CASK: variants seen among roughly 807,000 people sequenced by gnomAD.
CASK encodes the protein peripheral plasma membrane protein CASK.
CASK carries 4 observed loss-of-function variants against 82.9 expected under a neutral mutation model. That is an observed-to-expected ratio of 0.05 (90% CI 0.02 to 0.11). CASK has a LOEUF of 0.11. Among genes scored for constraint, CASK ranks in the 10% least tolerant of loss-of-function variants. The pLI, the probability that CASK is intolerant of heterozygous loss-of-function variation, is 1.00. For synonymous variants in CASK, 259 were observed against 253.5 expected, an observed-to-expected ratio of 1.02 and a Z score of -0.20; for missense variants, 358 against 720.9, an observed-to-expected ratio of 0.50 and a Z score of 5.76.
intron 22 of CASK, among the ~76,000 whole-genome samples, chrX:41,535,926 A>G (rs2064868016): frequency 8.9e-6 from 1 of 111,836 alleles, no homozygotes; most frequent in South Asian, 3.8e-4. Flanking sequence ...AATTCTCACA[A>G]AGGGCTAAAA....
chrX:41,826,702 C>A (rs905415629), intron 2 of CASK, among the ~76,000 whole-genome samples: 2 of 111,720 alleles, frequency 1.8e-5, no homozygotes, highest in East Asian at 5.6e-4. Flanking sequence ...GTCTCGAACT[C>A]CTGACCTCAA....
chrX:41,646,855 C>T (rs185215111), intron 8 of CASK, among the ~76,000 whole-genome samples: 184 of 111,634 alleles, frequency 1.6e-3, no homozygotes, highest in African/African-American at 5.7e-3. Context: ...AATGTTGGTT[C>T]GAGCTCAAGA....
chrX:41,881,229 C>A (rs982109411), intron 1 of CASK, among the ~76,000 whole-genome samples: 1 of 111,508 alleles, frequency 9.0e-6, no homozygotes, highest in African/African-American at 3.3e-5. Context: ...TCACAAAGCA[C>A]AAGACTGCAG....
At chrX:41,856,265 T>A (rs1038919900) in intron 1 of CASK, among the ~76,000 whole-genome samples, 3 of 111,793 alleles carry the variant, frequency 2.7e-5, no homozygotes, top group Non-Finnish European at 5.6e-5. Flanking sequence ...CAAAGGGGTT[T>A]TTAAAAAGGA....
At chrX:41,779,206 T>C (rs2069422794) in intron 3 of CASK, among the ~76,000 whole-genome samples, 1 of 111,780 alleles carries the variant, frequency 8.9e-6, no homozygotes, top group Non-Finnish European at 1.9e-5. Context: ...TCTGGGAGTC[T>C]GGAATTTGGT....
intron 4 of CASK, chrX:41,743,690 T>C (rs1291919919): frequency 2.7e-5 from 8 of 296,221 alleles, no homozygotes; most frequent in Non-Finnish European, 4.7e-5. Flanking sequence ...CTCAAAGCTG[T>C]ATTAAGGTGG....
intron 21 of CASK, among the ~76,000 whole-genome samples, chrX:41,548,261 T>C (rs1048911460): frequency 9.0e-6 from 1 of 111,658 alleles, no homozygotes; most frequent in Non-Finnish European, 1.9e-5. Context: ...GCATTCCCAG[T>C]ACAAATTCCA....
intron 2 of CASK, among the ~76,000 whole-genome samples, chrX:41,833,292 A>G (rs867427714): frequency 2.7e-5 from 3 of 112,266 alleles, no homozygotes; most frequent in African/African-American, 9.7e-5. Context: ...TATCTACACA[A>G]TGGAATACTA....
intron 17 of CASK, 76 bp downstream of exon 17, chrX:41,561,483 C>G: frequency 1.5e-6 from 1 of 681,021 alleles, no homozygotes; most frequent in Non-Finnish European, 2.3e-6. Flanking sequence ...GAAGAATACT[C>G]CTTATTTGTA....
At position 41,727,894 on chromosome X, in the gene CASK, A is replaced by G. The variant is rs916360931; in HGVS notation, c.429+11490T>C. On this transcript the variant is annotated intron_variant, in intron 5 of 26. Transcript: ENST00000378163. The stretch of plus-strand genomic sequence containing the variant: ...TCAGCAATTGAATTATTTAATAGAA[A>G]CAAAAAACATTCTCACCTGTCTTGC... 10 of 1,203,869 alleles carry G rather than the reference A, an allele frequency of 8.3e-6. No individual in the cohort carries two copies. In the African/African-American group the frequency reaches 1.2e-4, roughly 15 times the overall value.
intron 1 of CASK, among the ~76,000 whole-genome samples, chrX:41,922,480 G>A (rs1198646807): frequency 8.9e-6 from 1 of 111,790 alleles, no homozygotes; most frequent in Admixed American, 9.4e-5. Flanking sequence ...GTACACAAAG[G>A]CATCTGTCTA....
chrX:41,742,524 C>T (rs1369315063), intron 4 of CASK, among the ~76,000 whole-genome samples: 1 of 111,984 alleles, frequency 8.9e-6, no homozygotes, highest in African/African-American at 3.2e-5. Context: ...TTGGGTTGCA[C>T]TAAGGACTGA....
chrX:41,561,200 AAG>A (rs1279293317), intron 17 of CASK, among the ~76,000 whole-genome samples: 1 of 111,446 alleles, frequency 9.0e-6, no homozygotes, highest in Non-Finnish European at 1.9e-5. Context: ...CTCAACAGGA[AAG>A]AGGTTTCTGA....
intron 16 of CASK, among the ~76,000 whole-genome samples, chrX:41,565,937 A>C (rs1414543765): frequency 8.9e-6 from 1 of 112,008 alleles, no homozygotes; most frequent in Non-Finnish European, 1.9e-5. Context: ...AACATACGCA[A>C]ATCAATAAAC....
intron 1 of CASK, among the ~76,000 whole-genome samples, chrX:41,868,955 T>G (rs935713208): frequency 9.0e-6 from 1 of 111,679 alleles, no homozygotes; most frequent in Admixed American, 9.5e-5. Context: ...CAGAGAAAGT[T>G]CTGCTTCCAA....
At chrX:41,647,212 G>C (rs909844536) in intron 8 of CASK, among the ~76,000 whole-genome samples, 1 of 112,385 alleles carries the variant, frequency 8.9e-6, no homozygotes, top group African/African-American at 3.2e-5. Flanking sequence ...CTCGAACATC[G>C]CATTGCAAAT....
At chrX:41,559,926 A>C in intron 17 of CASK, 79 bp from the exon 18 acceptor site, 1 of 846,045 alleles carries the variant, frequency 1.2e-6, no homozygotes, top group Non-Finnish European at 1.7e-6. Context: ...AAGCCACTCA[A>C]AACACATGGG....
intron 3 of CASK, among the ~76,000 whole-genome samples, chrX:41,781,700 T>C (rs2069480607): frequency 8.9e-6 from 1 of 111,792 alleles, no homozygotes; most frequent in Admixed American, 9.6e-5. Flanking sequence ...TAGGTGGAAC[T>C]ATACACAAGT....
intron 1 of CASK, among the ~76,000 whole-genome samples, chrX:41,896,569 T>G (rs2072274476): frequency 8.9e-6 from 1 of 112,262 alleles, no homozygotes; most frequent in South Asian, 3.6e-4. Flanking sequence ...AGAAATGAAT[T>G]ATATATTTTT....
Sources: gnomAD v4.1 joint callset for allele counts (sites outside exome capture counted in the v4.1 genomes callset) on GRCh38, gnomAD v4.1.1 for gene constraint, MANE v1.5 for transcripts, NCBI Gene and HGNC (gene_info 2026-07-23, HGNC 2026-07-21) for gene names.